Variants in UTRN observed in about 807,000 individuals in gnomAD.
UTRN encodes utrophin.
In UTRN, 283 loss-of-function variants were observed where a neutral mutation model predicts 463.9. The ratio of observed to expected loss-of-function variants is 0.61; its 90% CI spans 0.55 to 0.67. UTRN has a LOEUF of 0.67. UTRN is among the 30% of genes least tolerant of loss of function. The pLI, the probability that UTRN is intolerant of heterozygous loss-of-function variation, is 0.00. For missense variants in UTRN, 3,922 were observed against 4,084.3 expected, an observed-to-expected ratio of 0.96 and a Z score of 1.08; for synonymous variants, 1,442 against 1,431.5, an observed-to-expected ratio of 1.01 and a Z score of -0.17.
chr6:144,372,190 A>G (rs77989618), intron 2 of UTRN, among the ~76,000 whole-genome samples: 1,950 of 152,330 alleles, frequency 0.013, 37 homozygotes, highest in African/African-American at 0.044. Context: ...TGCTTATTTT[A>G]TTTAGTGCCT....
intron 51 of UTRN, among the ~76,000 whole-genome samples, chr6:144,653,597 A>G (rs891233528): frequency 1.3e-5 from 2 of 152,046 alleles, no homozygotes; most frequent in Non-Finnish European, 2.9e-5. Context: ...AAAAAAAAAA[A>G]AAAAGAAATT....
intron 51 of UTRN, among the ~76,000 whole-genome samples, chr6:144,634,826 A>G (rs1215837998): frequency 2.0e-5 from 3 of 152,158 alleles, no homozygotes; most frequent in Admixed American, 1.3e-4. Context: ...AGGTTTGTTC[A>G]TGTTGTAGCT....
chr6:144,520,726 T>G (rs914232380), intron 39 of UTRN, among the ~76,000 whole-genome samples: 5 of 152,240 alleles, frequency 3.3e-5, no homozygotes, highest in African/African-American at 1.2e-4. Flanking sequence ...TGTAACCATT[T>G]TCAAGATCAC....
At position 144,820,941 on chromosome 6, in the gene UTRN, G is replaced by A. The variant is rs139411164; in HGVS notation, c.9417G>A (p.Ser3139=). Residue 3139 remains serine, a synonymous_variant, in exon 66 of 75, where the codon TCG becomes TCA. Coordinates refer to ENST00000367545, the MANE Select transcript of UTRN (RefSeq NM_007124.3). ...FTKVLKNKFR[S]KKYFAKHPRL... is the part of the protein sequence containing the mutation. ...AGGTACTTAAGAACAAGTTCAGGTC[G>A]AAGAAGTACTTTGCCAAACACCCTC... The A allele has an allele frequency of 1.2e-5, 19 of 1,613,764 alleles. No homozygotes were observed. The African/African-American group carries it at 1.6e-4, about 14-fold the overall frequency.
chr6:144,795,733 G>A (rs538089823), intron 63 of UTRN, among the ~76,000 whole-genome samples: 1 of 152,024 alleles, frequency 6.6e-6, no homozygotes, highest in East Asian at 1.9e-4. Flanking sequence ...TTTTTTTCTT[G>A]TAAATTTGTT....
chr6:144,644,296 G>T (rs1363499666), intron 51 of UTRN, among the ~76,000 whole-genome samples: 1 of 152,054 alleles, frequency 6.6e-6, no homozygotes, highest in African/African-American at 2.4e-5. Flanking sequence ...TGTCATTTTG[G>T]ATCCAGAGAT....
At chr6:144,403,556 A>G (rs1209475383) in intron 3 of UTRN, among the ~76,000 whole-genome samples, 2 of 152,190 alleles carry the variant, frequency 1.3e-5, no homozygotes, top group African/African-American at 4.8e-5. Flanking sequence ...AAATGTTATA[A>G]TTCAGGCAGT....
intron 51 of UTRN, among the ~76,000 whole-genome samples, chr6:144,662,825 T>C (rs765598065): frequency 1.3e-5 from 2 of 152,224 alleles, no homozygotes; most frequent in Non-Finnish European, 2.9e-5. Context: ...ACAGCAGTTT[T>C]TTTGTGAAGG....
intron 2 of UTRN, among the ~76,000 whole-genome samples, chr6:144,371,834 T>A (rs1302489992): frequency 1.3e-5 from 2 of 152,174 alleles, no homozygotes; most frequent in African/African-American, 4.8e-5. Flanking sequence ...AGTGGGTGCG[T>A]AGGGCTGGGG....
intron 2 of UTRN, among the ~76,000 whole-genome samples, chr6:144,402,095 G>A (rs1370458935): frequency 6.6e-6 from 1 of 152,150 alleles, no homozygotes; most frequent in South Asian, 2.1e-4. Context: ...AGAAAATCGT[G>A]GAGTGATGGA....
chr6:144,676,817 T>C (rs1190433889), intron 51 of UTRN, among the ~76,000 whole-genome samples: 1 of 152,196 alleles, frequency 6.6e-6, no homozygotes, highest in Non-Finnish European at 1.5e-5. Context: ...GGACAAACTA[T>C]TAGTAAATGT....
chr6:144,531,938 C>A (rs910371815), intron 42 of UTRN, among the ~76,000 whole-genome samples: 1 of 152,076 alleles, frequency 6.6e-6, no homozygotes, highest in Admixed American at 6.6e-5. Context: ...GAGATCGAGA[C>A]CATCCTGGCT....
At chr6:144,446,246 C>G (rs1397867413) in intron 14 of UTRN, among the ~76,000 whole-genome samples, 4 of 152,248 alleles carry the variant, frequency 2.6e-5, no homozygotes, top group Admixed American at 1.3e-4. Context: ...CTATAATGAT[C>G]TGACATTTTA....
rs185771042 is a variant in UTRN, at chr6:144,802,600, A to G, written c.9246-436A>G. 3.1e-3 allele frequency among the ~76,000 whole-genome samples: 469 copies of G among 152,282 alleles called. 1 individual carries two copies. Among genetic ancestry groups the G allele is most frequent in the Non-Finnish European group, 5.6e-3 (381 of 68,016 alleles). On this transcript the variant is annotated intron_variant, in intron 64 of 74. Coordinates refer to ENST00000367545, the MANE Select transcript of UTRN (RefSeq NM_007124.3). ...TTTAAAACACCATTTCCATTCAAGGATGCATTGTGATCAAGGCTTTATTTA... is the reference window on the plus strand; with the variant it reads ...TTTAAAACACCATTTCCATTCAAGGGTGCATTGTGATCAAGGCTTTATTTA...
At chr6:144,779,888 G>A (rs148516406) in intron 60 of UTRN, among the ~76,000 whole-genome samples, 2 of 151,768 alleles carry the variant, frequency 1.3e-5, no homozygotes, top group African/African-American at 4.8e-5. Context: ...GATACATTTG[G>A]CATCTGAAGG....
At chr6:144,457,194 A>AT (rs1483719825) in intron 19 of UTRN, among the ~76,000 whole-genome samples, 1 of 152,208 alleles carries the variant, frequency 6.6e-6, no homozygotes, top group Non-Finnish European at 1.5e-5. Flanking sequence ...GTAACCAGCA[A>AT]TATCTCAGGA....
intron 46 of UTRN, among the ~76,000 whole-genome samples, chr6:144,543,781 A>T: frequency 6.6e-6 from 1 of 151,102 alleles, no homozygotes; most frequent in South Asian, 2.1e-4. Flanking sequence ...CCTCCCCTCA[A>T]GTTTTGAAAA....
Position 144,447,509 on chromosome 6 carries a change from C to T in UTRN, c.1723-93C>T, listed in dbSNP as rs551422931. 19 of 1,439,726 alleles carry T rather than the reference C, an allele frequency of 1.3e-5. No homozygotes were observed. The South Asian group carries it at 2.1e-4, about 16-fold the overall frequency. 89.2% of individuals were successfully genotyped at this position (1,439,726 alleles called of 1,614,324 possible). A position where few individuals can be genotyped will look rare whatever the true frequency, so the allele number is the denominator to read the frequency against. On this transcript the variant is annotated intron_variant, in intron 15 of 74. Coordinates refer to ENST00000367545, the MANE Select transcript of UTRN (RefSeq NM_007124.3). ...TGAACTGCAAAGCATGTACATTTTA[C>T]TATAAAAGATACATGTTTAAAATTT...
Position 144,458,784 on chromosome 6 carries a change from G to A in UTRN, c.2299G>A (p.Glu767Lys), listed in dbSNP as rs552888065. ...TGTCTGCATAGAAGGCCTTCCTACT[G>A]AAGAAATAAAAAATGTTCTGGAGAA... ...EQMGKEGLPT[E>K]EIKNVLEKVS... is the part of the protein sequence containing the mutation. Residue 767 changes from glutamate to lysine, a missense_variant, in exon 20 of 75, where the codon GAA becomes AAA. Physicochemically the swap from Glu to Lys is moderately conservative, Grantham distance 56. Transcript: ENST00000367545. 21 of 1,599,160 alleles carry A rather than the reference G, an allele frequency of 1.3e-5. No homozygotes were observed. The highest frequency in any genetic ancestry group is 1.8e-5 in the Non-Finnish European group (21 of 1,175,484).
Sources: allele counts gnomAD v4.1 joint callset (sites outside exome capture counted in the v4.1 genomes callset), GRCh38; gene constraint gnomAD v4.1.1; transcripts MANE v1.5; gene names NCBI Gene and HGNC (gene_info 2026-07-23, HGNC 2026-07-21).